BCL2L13: variants seen among roughly 807,000 people sequenced by gnomAD.
The protein encoded by BCL2L13 is bcl-2-like protein 13.
Under a neutral mutation model 25.8 loss-of-function variants are expected in BCL2L13, and 13 were observed. The observed-to-expected ratio is 0.50, with a 90% confidence interval of 0.33 to 0.80. BCL2L13 has a LOEUF of 0.80. BCL2L13 is among the 30% of genes least tolerant of loss of function. The probability of loss-of-function intolerance (pLI) is 0.02; values close to 1 mark genes in which losing one functional copy is unlikely to be tolerated. For missense variants in BCL2L13, 504 were observed against 574.9 expected (o/e 0.88, Z 1.26); for synonymous variants, 244 against 230.3 (o/e 1.06, Z -0.54).
chr22:17,726,569 GT>G, intron 6 of BCL2L13, 107 bp from the exon 7 acceptor site: 1 of 1,284,818 alleles, frequency 7.8e-7, no homozygotes, highest in Non-Finnish European at 1.1e-6. Flanking sequence ...TTTAAACAGT[GT>G]TTCATTCCTA....
At chr22:17,670,309 G>C (rs1040699135) in intron 2 of BCL2L13, among the ~76,000 whole-genome samples, 3 of 150,926 alleles carry the variant, frequency 2.0e-5, no homozygotes, top group African/African-American at 7.3e-5. Flanking sequence ...AACAGAGTTG[G>C]AATTTTGATG....
chr22:17,670,724 T>A (rs1207599792), intron 2 of BCL2L13, among the ~76,000 whole-genome samples: 1 of 152,196 alleles, frequency 6.6e-6, no homozygotes, highest in Non-Finnish European at 1.5e-5. Context: ...CATAATATAT[T>A]ATTTCCAGAG....
intron 1 of BCL2L13, among the ~76,000 whole-genome samples, chr22:17,650,208 G>T (rs918689913): frequency 6.6e-6 from 1 of 152,072 alleles, no homozygotes. Context: ...ATGTTACTAC[G>T]TTTGACACAG....
intron 2 of BCL2L13, among the ~76,000 whole-genome samples, chr22:17,682,788 C>T (rs535180884): frequency 2.6e-5 from 4 of 152,216 alleles, no homozygotes; most frequent in South Asian, 2.1e-4. Context: ...GATTTCCTCC[C>T]GTCCCTAATT....
chr22:17,632,474 A>T (rs2058045494), intron 1 of BCL2L13, among the ~76,000 whole-genome samples: 1 of 152,076 alleles, frequency 6.6e-6, no homozygotes, highest in Non-Finnish European at 1.5e-5. Flanking sequence ...CATTGTCCTA[A>T]AAAACAGATT....
chr22:17,678,367 A>G (rs1274462081), intron 2 of BCL2L13, among the ~76,000 whole-genome samples: 2 of 152,088 alleles, frequency 1.3e-5, no homozygotes, highest in Admixed American at 6.6e-5. Flanking sequence ...CTGTCAGAAG[A>G]CAGTATCACC....
At chr22:17,695,175 GCACCCATCACTTC>G (rs1266573613) in intron 4 of BCL2L13, among the ~76,000 whole-genome samples, 1 of 152,124 alleles carries the variant, frequency 6.6e-6, no homozygotes, top group Non-Finnish European at 1.5e-5. Context: ...CCAGGAAGTG[GCACCCATCACTTC>G]CACCCACATT....
chr22:17,668,013 C>A (rs1311483727), intron 2 of BCL2L13, among the ~76,000 whole-genome samples: 1 of 101,630 alleles, frequency 9.8e-6, no homozygotes, highest in African/African-American at 3.9e-5. Context: ...TTGTAGTTGC[C>A]TATTCTTTTT....
intron 1 of BCL2L13, among the ~76,000 whole-genome samples, chr22:17,644,912 G>A (rs1399374840): frequency 6.7e-6 from 1 of 150,352 alleles, no homozygotes; most frequent in Non-Finnish European, 1.5e-5. Context: ...CTGGTTCAAG[G>A]GATTCTCCCA....
intron 6 of BCL2L13, among the ~76,000 whole-genome samples, chr22:17,707,861 T>C (rs2060635584): frequency 6.6e-6 from 1 of 152,046 alleles, no homozygotes; most frequent in Admixed American, 6.6e-5. Context: ...GCAGAATAAT[T>C]TGTAACTGAT....
At position 17,685,050 on chromosome 22, in the gene BCL2L13, G is replaced by A. The variant is rs1287453665; in HGVS notation, c.229+1729G>A. ...ACGCCCGGCCTGTAATTTTTTGTAC[G>A]TTTAATAGAGACAAGGTTTCTCCAT... On this transcript the variant is annotated intron_variant, in intron 3 of 6. Coordinates refer to ENST00000317582, the MANE Select transcript of BCL2L13 (RefSeq NM_015367.4). 4.0e-5 allele frequency among the ~76,000 whole-genome samples: 6 copies of A among 151,524 alleles called. No homozygotes were observed. The East Asian group carries it at 5.9e-4, about 15-fold the overall frequency.
chr22:17,681,375 G>A (rs571906651), intron 2 of BCL2L13, among the ~76,000 whole-genome samples: 1 of 151,970 alleles, frequency 6.6e-6, no homozygotes, highest in African/African-American at 2.4e-5. Context: ...GTGTGGTGGC[G>A]GGCGCCTGTA....
chr22:17,716,423 G>A (rs962561262), intron 6 of BCL2L13, among the ~76,000 whole-genome samples: 1 of 152,144 alleles, frequency 6.6e-6, no homozygotes, highest in Non-Finnish European at 1.5e-5. Flanking sequence ...AGGAGACAGC[G>A]CTTGGGAATT....
Position 17,638,893 on chromosome 22 carries a change from G to A in BCL2L13, c.-51+7G>A, listed in dbSNP as rs1601447286. The A allele has an allele frequency of 1.6e-6, 2 of 1,232,310 alleles. No individual in the cohort carries two copies. Among genetic ancestry groups the A allele is most frequent in the East Asian group, 6.3e-5 (2 of 31,734 alleles). The allele number at this position is 1,232,310 out of a possible 1,614,324, so 76.3% of individuals were successfully genotyped here. On this transcript the variant is annotated splice_region_variant and intron_variant, in intron 1 of 6. Coordinates refer to ENST00000317582, the MANE Select transcript of BCL2L13 (RefSeq NM_015367.4). ...GGGCAGGGGCCAGGGCCAGGTGAGG[G>A]GAGTGGGGTTCCGGGAAGGCTGAGC...
intron 6 of BCL2L13, among the ~76,000 whole-genome samples, chr22:17,711,782 C>A (rs1473540849): frequency 6.6e-6 from 1 of 152,106 alleles, no homozygotes; most frequent in Non-Finnish European, 1.5e-5. Context: ...GTTGAGAATT[C>A]CTATCAGTTG....
At chr22:17,671,040 C>G (rs965332086) in intron 2 of BCL2L13, among the ~76,000 whole-genome samples, 1 of 151,998 alleles carries the variant, frequency 6.6e-6, no homozygotes, top group Non-Finnish European at 1.5e-5. Context: ...GTGGGCAGAT[C>G]ATGAGGTCAA....
intron 2 of BCL2L13, among the ~76,000 whole-genome samples, chr22:17,663,052 G>C (rs1568943225): frequency 6.6e-6 from 1 of 151,908 alleles, no homozygotes; most frequent in South Asian, 2.1e-4. Context: ...TAAACTTTTT[G>C]TAAAGACAGG....
At chr22:17,717,834 C>A (rs2145799329) in intron 6 of BCL2L13, among the ~76,000 whole-genome samples, 1 of 152,268 alleles carries the variant, frequency 6.6e-6, no homozygotes, top group Non-Finnish European at 1.5e-5. Context: ...CACTTGTAAT[C>A]CTAACACTTT....
chr22:17,635,597 C>A (rs2058090810), upstream of BCL2L13, among the ~76,000 whole-genome samples: 1 of 151,834 alleles, frequency 6.6e-6, no homozygotes, highest in South Asian at 2.1e-4. Flanking sequence ...AATATATATT[C>A]AAAAAATAAA....
Sources: gnomAD v4.1 joint callset for allele counts (sites outside exome capture counted in the v4.1 genomes callset) on GRCh38, gnomAD v4.1.1 for gene constraint, MANE v1.5 for transcripts, NCBI Gene and HGNC (gene_info 2026-07-23, HGNC 2026-07-21) for gene names.